Variants in GPC5 observed in about 807,000 individuals in gnomAD.
GPC5 encodes the protein glypican 5.
GPC5 carries 47 observed loss-of-function variants against 53.9 expected under a neutral mutation model. The ratio of observed to expected loss-of-function variants is 0.87; its 90% confidence interval spans 0.69 to 1.11. The LOEUF (loss-of-function observed/expected upper bound fraction) is 1.11. Among genes scored for constraint, GPC5 ranks in the 50% most tolerant of loss-of-function variants. GPC5 has a pLI of 0.00. For missense variants in GPC5, 748 were observed against 713.1 expected, an observed-to-expected ratio of 1.05 and a Z score of -0.56; for synonymous variants, 286 against 263.3, an observed-to-expected ratio of 1.09 and a Z score of -0.84.
At chr13:92,235,412 G>T (rs2042562534) in intron 7 of GPC5, among the ~76,000 whole-genome samples, 1 of 152,012 alleles carries the variant, frequency 6.6e-6, no homozygotes, top group Non-Finnish European at 1.5e-5. Flanking sequence ...TTTTGTTTAA[G>T]TTGTTGTTCA....
intron 7 of GPC5, among the ~76,000 whole-genome samples, chr13:92,661,285 C>A (rs1396715880): frequency 1.3e-5 from 2 of 151,342 alleles, no homozygotes; most frequent in Admixed American, 6.6e-5. Flanking sequence ...CAGAATGAGA[C>A]CCTCTCTCAA....
chr13:91,647,065 ATATGCGTGTGTGTGTGTGTG>A (rs2034574461), intron 2 of GPC5, among the ~76,000 whole-genome samples: 1 of 132,752 alleles, frequency 7.5e-6, no homozygotes, highest in African/African-American at 3.0e-5. Context: ...GATAATATAT[ATATGCGTGTGTGTGTGTGTG>A]TGTGTGTGTG....
At chr13:92,370,147 T>C (rs566527158) in intron 7 of GPC5, among the ~76,000 whole-genome samples, 8 of 152,302 alleles carry the variant, frequency 5.3e-5, no homozygotes, top group African/African-American at 1.9e-4. Context: ...CTTGATGAAA[T>C]GCACAGGAAT....
intron 5 of GPC5, among the ~76,000 whole-genome samples, chr13:91,839,509 G>T (rs903893394): frequency 1.5e-4 from 22 of 151,614 alleles, no homozygotes; most frequent in African/African-American, 4.8e-4. Flanking sequence ...GTTAACAGGT[G>T]GTTAATGTTA....
intron 7 of GPC5, among the ~76,000 whole-genome samples, chr13:92,205,909 G>A (rs1312687442): frequency 6.6e-6 from 1 of 151,710 alleles, no homozygotes; most frequent in African/African-American, 2.4e-5. Context: ...TAGGGTGATG[G>A]CACATGCCTG....
At chr13:92,838,480 GC>G (rs201596388) in intron 7 of GPC5, among the ~76,000 whole-genome samples, 2 of 137,068 alleles carry the variant, frequency 1.5e-5, no homozygotes, top group Middle Eastern at 3.9e-3. Flanking sequence ...GAGACTCCGC[GC>G]CCCCCCCAAA....
At chr13:92,475,938 G>C (rs9589558) in intron 7 of GPC5, among the ~76,000 whole-genome samples, 9,134 of 150,312 alleles carry the variant, frequency 0.061, 342 homozygotes, top group Middle Eastern at 0.11. Context: ...ACCATAAAAA[G>C]CCTAGAAGAA....
chr13:91,524,858 T>C (rs945037466), intron 2 of GPC5, among the ~76,000 whole-genome samples: 8 of 152,214 alleles, frequency 5.3e-5, no homozygotes, highest in African/African-American at 9.6e-5. Context: ...CCTGTTCCCA[T>C]TTTCTTTATA....
At chr13:91,749,901 C>T (rs2037133463) in intron 4 of GPC5, among the ~76,000 whole-genome samples, 1 of 152,232 alleles carries the variant, frequency 6.6e-6, no homozygotes, top group Non-Finnish European at 1.5e-5. Flanking sequence ...ACCTCTGCCT[C>T]CTGGGTTCAA....
intron 6 of GPC5, among the ~76,000 whole-genome samples, chr13:92,046,932 A>G (rs2040986576): frequency 6.6e-6 from 1 of 152,228 alleles, no homozygotes; most frequent in Admixed American, 6.5e-5. Flanking sequence ...TAATGTTTTA[A>G]TAAAATATTT....
chr13:91,930,183 G>A (rs2139030309), intron 6 of GPC5, among the ~76,000 whole-genome samples: 1 of 152,088 alleles, frequency 6.6e-6, no homozygotes, highest in South Asian at 2.1e-4. Context: ...TGAAGCCATG[G>A]GCATTGTTTT....
intron 7 of GPC5, among the ~76,000 whole-genome samples, chr13:92,419,398 T>C (rs1876461282): frequency 6.6e-6 from 1 of 152,174 alleles, no homozygotes; most frequent in Middle Eastern, 3.2e-3. Flanking sequence ...GCTGGAATAC[T>C]TTGTAGAGTG....
intron 7 of GPC5, among the ~76,000 whole-genome samples, chr13:92,449,520 A>G (rs1252756199): frequency 6.6e-6 from 1 of 152,188 alleles, no homozygotes; most frequent in African/African-American, 2.4e-5. Flanking sequence ...TGTATGCTGT[A>G]TTTTTATTAG....
chr13:92,370,881 G>T (rs1025302576), intron 7 of GPC5, among the ~76,000 whole-genome samples: 3 of 152,210 alleles, frequency 2.0e-5, no homozygotes, highest in Non-Finnish European at 2.9e-5. Context: ...ACAGTGGGTG[G>T]CTCACACCTG....
intron 7 of GPC5, among the ~76,000 whole-genome samples, chr13:92,429,838 TTACAAAGAGAGATG>T (rs1208268594): frequency 6.6e-6 from 1 of 152,138 alleles, no homozygotes; most frequent in African/African-American, 2.4e-5. Flanking sequence ...ACTAATTTTT[TTACAAAGAGAGATG>T]TTGGTCAAGG....
At chr13:91,405,946 A>AT (rs1387023307) in intron 1 of GPC5, among the ~76,000 whole-genome samples, 1 of 151,904 alleles carries the variant, frequency 6.6e-6, no homozygotes, top group East Asian at 1.9e-4. Context: ...TAATTTTTGT[A>AT]TTTTTTGTAG....
At chr13:91,684,240 C>T (rs1286110403) in intron 2 of GPC5, among the ~76,000 whole-genome samples, 2 of 152,184 alleles carry the variant, frequency 1.3e-5, no homozygotes, top group Non-Finnish European at 2.9e-5. Context: ...TCATCCAGCA[C>T]CATAACTTTA....
At chr13:91,696,758 A>G (rs1418441906) in intron 3 of GPC5, among the ~76,000 whole-genome samples, 1 of 152,246 alleles carries the variant, frequency 6.6e-6, no homozygotes, top group Non-Finnish European at 1.5e-5. Flanking sequence ...AGTACCTTAT[A>G]TTTGGTTAAT....
chr13:92,674,337 T>A (rs1301447410), intron 7 of GPC5, among the ~76,000 whole-genome samples: 1 of 152,148 alleles, frequency 6.6e-6, no homozygotes, highest in African/African-American at 2.4e-5. Context: ...GGCAGAGTCA[T>A]CTCTGGTGTT....
Sources: gnomAD v4.1 joint callset for allele counts (sites outside exome capture counted in the v4.1 genomes callset) on GRCh38, gnomAD v4.1.1 for gene constraint, MANE v1.5 for transcripts, NCBI Gene and HGNC (gene_info 2026-07-23, HGNC 2026-07-21) for gene names.